The following DCLK2 variants were observed in gnomAD, a reference collection of about 807,000 sequenced individuals.
The protein encoded by DCLK2 is doublecortin like kinase 2.
In DCLK2, 31 loss-of-function variants were observed where a neutral mutation model predicts 78.4. That is an observed-to-expected ratio of 0.40 (90% CI 0.30 to 0.53). The LOEUF is 0.53. Among genes scored for constraint, DCLK2 ranks in the 20% least tolerant of loss-of-function variants. The probability of loss-of-function intolerance (pLI) is 0.61; values close to 1 mark genes in which losing one functional copy is unlikely to be tolerated. For missense variants in DCLK2, 872 were observed against 973.7 expected (o/e 0.90, Z 1.39); for synonymous variants, 407 against 374.9 (o/e 1.09, Z -0.99).
intron 2 of DCLK2, among the ~76,000 whole-genome samples, chr4:150,143,427 A>C (rs1426417458): frequency 2.6e-5 from 4 of 152,162 alleles, no homozygotes; most frequent in African/African-American, 9.6e-5. Flanking sequence ...GAGGATTGCG[A>C]GAGCCCAGGA....
chr4:150,222,296 G>A (rs575069872), intron 7 of DCLK2, among the ~76,000 whole-genome samples: 266 of 152,170 alleles, frequency 1.7e-3, no homozygotes, highest in African/African-American at 6.0e-3. Context: ...AAAATATTAT[G>A]TATATACATA....
chr4:150,115,961 A>C (rs1732054907), intron 2 of DCLK2, among the ~76,000 whole-genome samples: 1 of 152,118 alleles, frequency 6.6e-6, no homozygotes, highest in South Asian at 2.1e-4. Flanking sequence ...AAACTGCTGA[A>C]ATCTTTTCAA....
chr4:150,173,515 C>T (rs1320479474), intron 2 of DCLK2, among the ~76,000 whole-genome samples: 2 of 152,090 alleles, frequency 1.3e-5, no homozygotes, highest in African/African-American at 4.8e-5. Flanking sequence ...CATGGCAGCT[C>T]CCTCTGGTGA....
chr4:150,085,193 A>C (rs1047842873), intron 1 of DCLK2, among the ~76,000 whole-genome samples: 2 of 152,082 alleles, frequency 1.3e-5, no homozygotes, highest in African/African-American at 4.8e-5. Context: ...ACTACATTCT[A>C]CTACTACATT....
chr4:150,253,360 T>G, intron 15 of DCLK2: 1 of 1,135,616 alleles, frequency 8.8e-7, no homozygotes, highest in South Asian at 1.3e-5. Context: ...CCTAGTGTTC[T>G]CATCCCCAGA....
At chr4:150,145,140 T>C (rs759413228) in intron 2 of DCLK2, among the ~76,000 whole-genome samples, 18 of 152,226 alleles carry the variant, frequency 1.2e-4, no homozygotes, top group Non-Finnish European at 2.4e-4. Flanking sequence ...GTAAATGGAA[T>C]TGAGTTCTTG....
intron 14 of DCLK2, 101 bp downstream of exon 14, chr4:150,248,486 A>G (rs1050929404): frequency 1.8e-5 from 17 of 948,028 alleles, no homozygotes; most frequent in South Asian, 1.7e-4. Context: ...TATGCATCCA[A>G]GCTCCATGGT....
intron 2 of DCLK2, among the ~76,000 whole-genome samples, chr4:150,175,010 AAAT>A (rs201250472): frequency 0.039 from 990 of 25,190 alleles, 279 homozygotes; most frequent in Non-Finnish European, 0.067. Flanking sequence ...AAAAAAAAAA[AAAT>A]ATATATATAT....
At chr4:150,107,897 G>A (rs554192449) in intron 2 of DCLK2, among the ~76,000 whole-genome samples, 6 of 152,186 alleles carry the variant, frequency 3.9e-5, no homozygotes. Context: ...CTTGAGCTCA[G>A]GAGTTCGAGG....
Position 150,246,636 on chromosome 4 carries a change from A to G in DCLK2, c.1779-967A>G, listed in dbSNP as rs117402565. ...GGGCCTTGTAATGGCCTGGAAAACT[A>G]GTGATGCTGTTCCTCACTCTAGCCA... On this transcript the variant is annotated intron_variant, in intron 12 of 15. Coordinates refer to ENST00000296550, the MANE Select transcript of DCLK2 (RefSeq NM_001040260.4). Among the ~76,000 whole-genome samples the G allele has an allele frequency of 1.2e-3, 179 of 151,538 alleles. No homozygotes were observed. The East Asian group carries it at 0.032, about 27-fold the overall frequency.
chr4:150,256,248 G>C lies in DCLK2; in HGVS notation c.*1G>C, dbSNP rs1304625946. 6.6e-7 allele frequency: 1 copy of C among 1,512,422 alleles called. No individual in the cohort carries two copies. Among genetic ancestry groups the C allele is most frequent in the Admixed American group, 2.2e-5 (1 of 45,006 alleles). 93.7% of individuals were successfully genotyped at this position (1,512,422 alleles called of 1,614,324 possible). On this transcript the variant is annotated 3_prime_UTR_variant, in exon 16 of 16. Coordinates refer to ENST00000296550, the MANE Select transcript of DCLK2 (RefSeq NM_001040260.4). ...AACCTGGCGCCGCCACCGAGACTGA[G>C]CCTCCTGCAGACGGGCGAAGCCGCC...
intron 2 of DCLK2, among the ~76,000 whole-genome samples, chr4:150,119,036 AATAATAAT>A (rs1236322674): frequency 1.0e-3 from 54 of 54,158 alleles, no homozygotes; most frequent in East Asian, 4.7e-3. Flanking sequence ...TCAAAATAAC[AATAATAAT>A]ATAATAATAA....
At chr4:150,242,994 A>AC (rs1465957938) in intron 12 of DCLK2, among the ~76,000 whole-genome samples, 1 of 152,094 alleles carries the variant, frequency 6.6e-6, no homozygotes, top group Non-Finnish European at 1.5e-5. Context: ...TCCCTGGCTA[A>AC]CCCAAGCTGG....
At position 150,102,474 on chromosome 4, in the gene DCLK2, T is replaced by A; in HGVS notation, c.422-4T>A. On this transcript the variant is annotated splice_region_variant and splice_polypyrimidine_tract_variant and intron_variant, in intron 1 of 15. Transcript: ENST00000296550. ...TGCTAATAAAATCAAATTTTGCTTT[T>A]TAGGTGAGAGTTACGTGTGTGCATC... The A allele has an allele frequency of 6.2e-7, 1 of 1,606,144 alleles. No homozygotes were observed. The highest frequency in any genetic ancestry group is 8.5e-7 in the Non-Finnish European group (1 of 1,175,362).
chr4:150,252,723 A>G (rs1051459858), intron 15 of DCLK2, among the ~76,000 whole-genome samples: 1 of 152,168 alleles, frequency 6.6e-6, no homozygotes, highest in Non-Finnish European at 1.5e-5. Context: ...ACAACCCGTT[A>G]TTGTTTGCAG....
chr4:150,108,113 A>G (rs1731400296), intron 2 of DCLK2, among the ~76,000 whole-genome samples: 1 of 152,236 alleles, frequency 6.6e-6, no homozygotes, highest in Non-Finnish European at 1.5e-5. Flanking sequence ...ACCAGAAAAC[A>G]TGATCTGTAA....
intron 2 of DCLK2, among the ~76,000 whole-genome samples, chr4:150,152,323 C>T (rs1374279476): frequency 6.6e-6 from 1 of 152,096 alleles, no homozygotes; most frequent in African/African-American, 2.4e-5. Context: ...TCACTGTTGC[C>T]CAAGCTGGAG....
intron 5 of DCLK2, among the ~76,000 whole-genome samples, chr4:150,209,442 A>G (rs1740125410): frequency 1.3e-5 from 2 of 152,194 alleles, no homozygotes; most frequent in Non-Finnish European, 2.9e-5. Context: ...GAGGCTACAG[A>G]TCTCCTCGAG....
chr4:150,104,574 A>G (rs1042381916), intron 2 of DCLK2, among the ~76,000 whole-genome samples: 1 of 152,112 alleles, frequency 6.6e-6, no homozygotes, highest in African/African-American at 2.4e-5. Context: ...TCAAAACAAT[A>G]CAGTGTGATG....
Sources: allele counts gnomAD v4.1 joint callset (sites outside exome capture counted in the v4.1 genomes callset), GRCh38; gene constraint gnomAD v4.1.1; transcripts MANE v1.5; gene names NCBI Gene and HGNC (gene_info 2026-07-23, HGNC 2026-07-21).